The following MORC2 variants were observed in gnomAD, a reference collection of about 807,000 sequenced individuals.
MORC2 encodes ATPase MORC2.
In MORC2, 30 loss-of-function variants were observed where a neutral mutation model predicts 136.0. That is an observed-to-expected ratio of 0.22 (90% CI 0.17 to 0.30). The LOEUF (loss-of-function observed/expected upper bound fraction) is 0.30. Among genes scored for constraint, MORC2 ranks in the 10% least tolerant of loss-of-function variants. The pLI is 1.00. For synonymous variants in MORC2, 439 were observed against 487.0 expected (o/e 0.90, Z 1.30); for missense variants, 922 against 1,333.1 (o/e 0.69, Z 4.80).
chr22:30,927,188 A>G (rs898652495), intron 25 of MORC2, among the ~76,000 whole-genome samples: 1 of 151,960 alleles, frequency 6.6e-6, no homozygotes, highest in Admixed American at 6.6e-5. Context: ...GGTCCAGGCC[A>G]CCACTGTCTC....
At chr22:30,935,428 G>A in intron 17 of MORC2, 106 bp from the exon 18 acceptor site, 2 of 1,104,852 alleles carry the variant, frequency 1.8e-6, no homozygotes, top group Non-Finnish European at 2.7e-6. Context: ...GAAAACCTGA[G>A]CCATAGTCCT....
chr22:30,967,989 G>T lies in MORC2; in HGVS notation c.-100C>A. 1.9e-6 allele frequency: 2 copies of T among 1,055,268 alleles called. No individual in the cohort carries two copies. The highest frequency in any genetic ancestry group is 2.9e-6 in the Non-Finnish European group (2 of 700,952). 65.4% of individuals were successfully genotyped at this position (1,055,268 alleles called of 1,614,324 possible). A position where few individuals can be genotyped will look rare whatever the true frequency, so the allele number is the denominator to read the frequency against. ...ATTCTGTCCAGTAAAGCTTCAGTAA[G>T]TCTGTGCTCCTTAATGACAGTTAAA... is the stretch of plus-strand genomic sequence containing the variant. On this transcript the variant is annotated 5_prime_UTR_variant, in exon 1 of 26. Coordinates refer to ENST00000397641, the MANE Select transcript of MORC2 (RefSeq NM_001303256.3).
rs1007541711 is a variant in MORC2, at chr22:30,937,827, C to T, written c.1357G>A (p.Asp453Asn). Residue 453 changes from aspartate to asparagine, a missense_variant, in exon 14 of 26, where the codon GAT (aspartate) becomes AAT (asparagine). Transcript: ENST00000397641. This position sits in a 1 kb window ranked among gnomAD's most constrained non-coding sequence, Gnocchi z 4.7. ...CCAGCCCCATTACCGATGGCAATAT[C>T]CTTCCAATACTGCGCCAGGTGCTCC... ...MGEHLAQYWK[D>N]IAIAQRGIIK... 37 of 1,614,030 alleles carry T rather than the reference C, an allele frequency of 2.3e-5. No homozygotes were observed. Among genetic ancestry groups the T allele is most frequent in the Non-Finnish European group, 3.1e-5 (37 of 1,180,034 alleles).
At chr22:30,936,865 T>C (rs2147253606) in intron 16 of MORC2, 67 bp downstream of exon 16, 3 of 1,482,438 alleles carry the variant, frequency 2.0e-6, no homozygotes, top group Non-Finnish European at 2.8e-6. Context: ...TGCACTGACC[T>C]CAAGAAACAC....
rs932990196 is a variant in MORC2, at chr22:30,925,661, G to C, written c.*1142C>G. The C allele has an allele frequency of 2.6e-5, 4 of 153,802 alleles. No homozygotes were observed. Among genetic ancestry groups the C allele is most frequent in the African/African-American group, 9.6e-5 (4 of 41,452 alleles). 9.5% of individuals were successfully genotyped at this position (153,802 alleles called of 1,614,324 possible). On this transcript the variant is annotated 3_prime_UTR_variant, in exon 26 of 26. Coordinates refer to ENST00000397641, the MANE Select transcript of MORC2 (RefSeq NM_001303256.3). ...AAACCCAGAGGCCCCAAATACGAGT[G>C]GGAAGAGAGTTGGGAAAAACTGAAC...
intron 1 of MORC2, among the ~76,000 whole-genome samples, chr22:30,961,838 A>G (rs1209026528): frequency 6.6e-6 from 1 of 152,208 alleles, no homozygotes; most frequent in African/African-American, 2.4e-5. Context: ...TCCCACAAGA[A>G]TGAGAAATTT....
chr22:30,963,388 C>CTTTTTTTTTTT (rs34402075), intron 1 of MORC2: 1 of 650,258 alleles, frequency 1.5e-6, no homozygotes, highest in African/African-American at 2.1e-5. Flanking sequence ...CTGATTATGG[C>CTTTTTTTTTTT]TTTTTTTTTT....
rs777110123 is a variant in MORC2, at chr22:30,935,119, G to A, written c.1855C>T (p.Pro619Ser). The stretch of plus-strand genomic sequence containing the variant: ...CTGGGGGCGTTCCTGATCACAGCAG[G>A]TAAAGGGGGCGACCGAGGACGCTGA... ...RPQRPRSPPL[P>S]AVIRNAPSRP... The change falls in exon 19 of 26, where the codon CCT (proline) becomes TCT (serine). Residue 619 changes from proline to serine, a missense_variant. Around this residue, in one of 9 missense-constraint regions of MORC2, gnomAD observed 184 missense variants for 180.3 expected, o/e 1.02. Coordinates refer to ENST00000397641, the MANE Select transcript of MORC2 (RefSeq NM_001303256.3). 1 of 1,613,762 alleles carries A rather than the reference G, an allele frequency of 6.2e-7. No homozygotes were observed. The highest frequency in any genetic ancestry group is 2.2e-5 in the East Asian group (1 of 44,848).
chr22:30,959,017 G>C (rs1371198045), intron 1 of MORC2: 1 of 195,826 alleles, frequency 5.1e-6, no homozygotes, highest in Non-Finnish European at 1.0e-5. Context: ...AAAAATGCCT[G>C]TATATTTTAT....
chr22:30,956,657 C>T, intron 3 of MORC2, 106 bp downstream of exon 3: 1 of 941,600 alleles, frequency 1.1e-6, no homozygotes, highest in East Asian at 2.8e-5. Context: ...ATCATGCCAT[C>T]TTCCCAGGCT....
intron 5 of MORC2, among the ~76,000 whole-genome samples, chr22:30,947,533 C>A (rs1032186818): frequency 6.6e-6 from 1 of 152,212 alleles, no homozygotes; most frequent in African/African-American, 2.4e-5. Context: ...ACAAACCAGA[C>A]TGGCATGCCA....
rs755643729 is a variant in MORC2 at position 30,968,048 on chromosome 22, A to T, written c.-159T>A. On this transcript the variant is annotated 5_prime_UTR_variant, in exon 1 of 26. Transcript: ENST00000397641. ...GTAGCTATCCAAAATATATGCAGAGATGTTTAAAACTACAATTTCTTCAAG... is the reference window on the plus strand; with the variant it reads ...GTAGCTATCCAAAATATATGCAGAGTTGTTTAAAACTACAATTTCTTCAAG... The T allele has an allele frequency of 1.5e-4, 85 of 584,684 alleles. No individual in the cohort carries two copies. The highest frequency in any genetic ancestry group is 1.5e-4 in the Non-Finnish European group (51 of 329,916). 36.2% of individuals were successfully genotyped at this position (584,684 alleles called of 1,614,324 possible).
Position 30,933,943 on chromosome 22 carries a change from G to A in MORC2, c.2325+117C>T. The A allele has an allele frequency of 2.3e-6, 3 of 1,294,324 alleles. No individual in the cohort carries two copies. The South Asian group carries it at 4.1e-5, about 18-fold the overall frequency. 80.2% of individuals were successfully genotyped at this position (1,294,324 alleles called of 1,614,324 possible). The stretch of plus-strand genomic sequence containing the variant: ...TGCTGGTGGGGGGGGTAGACTGCTG[G>A]TGGGTTGTGTAGACTGCTGGTGGAT... On this transcript the variant is annotated intron_variant, in intron 20 of 25. Coordinates refer to ENST00000397641, the MANE Select transcript of MORC2 (RefSeq NM_001303256.3).
chr22:30,934,067 G>A lies in MORC2; in HGVS notation c.2318C>T (p.Ser773Leu), dbSNP rs554785074. The change falls in exon 20 of 26, where the codon TCG becomes TTG. Residue 773 changes from serine to leucine, a missense_variant. Physicochemically the swap from Ser to Leu is moderately radical, Grantham distance 145. This residue lies in a region of MORC2 where 263 missense variants were observed against 388.3 expected (regional missense o/e 0.68). Coordinates refer to ENST00000397641, the MANE Select transcript of MORC2 (RefSeq NM_001303256.3). The surrounding 1 kb of genome is among the most constrained non-coding windows in gnomAD (Gnocchi z 4.4). ...RFVVKEEKKD[S>L]NELSDSAGEE... Reference sequence around the variant, plus strand: ...CTCACCTCAACCACTCACCTCATTCGAGTCCTTCTTTTCCTCCTTCACAAC... The same window carrying A: ...CTCACCTCAACCACTCACCTCATTCAAGTCCTTCTTTTCCTCCTTCACAAC... The A allele has an allele frequency of 7.7e-5, 125 of 1,614,052 alleles. No individual in the cohort carries two copies. In the South Asian group the frequency reaches 1.0e-3, roughly 13 times the overall value.
At chr22:30,965,270 A>G (rs2041110457) in intron 1 of MORC2, among the ~76,000 whole-genome samples, 1 of 152,238 alleles carries the variant, frequency 6.6e-6, no homozygotes, top group Non-Finnish European at 1.5e-5. Context: ...CGTGTTCCTA[A>G]GATTTTAACA....
chr22:30,950,352 C>CCAA, intron 4 of MORC2, 25 bp downstream of exon 4: 1 of 1,449,956 alleles, frequency 6.9e-7, no homozygotes, highest in Middle Eastern at 1.8e-4. Context: ...CCCCCACCCC[C>CCAA]CAAAACAATA....
intron 17 of MORC2, among the ~76,000 whole-genome samples, chr22:30,935,722 A>C (rs1369605649): frequency 1.3e-5 from 2 of 152,236 alleles, no homozygotes; most frequent in African/African-American, 4.8e-5. Context: ...CAGAAGCCAA[A>C]AAGGGAAATG....
intron 1 of MORC2, among the ~76,000 whole-genome samples, chr22:30,965,938 G>A (rs1370022908): frequency 6.6e-6 from 1 of 152,244 alleles, no homozygotes; most frequent in Non-Finnish European, 1.5e-5. Flanking sequence ...ACTGTGGCCA[G>A]ATAAATCCCA....
rs1212520000 is a variant in MORC2, at chr22:30,937,330, A to C, written c.1498+253T>G. ...ACCAGAAACCATGTGGTACCAAACCAAGTGAGCCTGGCCTGGCTGCAGCTG... is the reference window on the plus strand; with the variant it reads ...ACCAGAAACCATGTGGTACCAAACCCAGTGAGCCTGGCCTGGCTGCAGCTG... On this transcript the variant is annotated intron_variant, in intron 15 of 25. Transcript: ENST00000397641. The surrounding 1 kb of genome is among the most constrained non-coding windows in gnomAD (Gnocchi z 4.7). Among the ~76,000 whole-genome samples the C allele has an allele frequency of 6.6e-6, 1 of 152,156 alleles. No homozygotes were observed. Among genetic ancestry groups the C allele is most frequent in the Non-Finnish European group, 1.5e-5 (1 of 68,036 alleles).
Sources: allele counts gnomAD v4.1 joint callset (sites outside exome capture counted in the v4.1 genomes callset), GRCh38; gene constraint gnomAD v4.1.1; regional missense constraint gnomAD v4.1.1; non-coding constraint Gnocchi (gnomAD v3.1); transcripts MANE v1.5; gene names NCBI Gene and HGNC (gene_info 2026-07-23, HGNC 2026-07-21).